The following PPP1R12B variants were observed in gnomAD, a reference collection of about 807,000 sequenced individuals.
PPP1R12B encodes the protein myosin phosphatase target subunit 2.
Under a neutral mutation model 126.1 loss-of-function variants are expected in PPP1R12B, and 76 were observed. The ratio of observed to expected loss-of-function variants is 0.60; its 90% confidence interval spans 0.50 to 0.73. The LOEUF (loss-of-function observed/expected upper bound fraction) is 0.73, where lower values mean the gene tolerates loss of function less well. Ranked by LOEUF, PPP1R12B falls within the 30% of genes least tolerant of loss-of-function variation. The pLI, the probability that PPP1R12B is intolerant of heterozygous loss-of-function variation, is 0.00. For synonymous variants in PPP1R12B, 356 were observed against 434.7 expected (o/e 0.82, Z 2.25); for missense variants, 1,052 against 1,205.1 (o/e 0.87, Z 1.88).
At chr1:202,536,178 G>A (rs993725151) in intron 18 of PPP1R12B, among the ~76,000 whole-genome samples, 67 of 152,284 alleles carry the variant, frequency 4.4e-4, no homozygotes, top group African/African-American at 1.4e-3. Flanking sequence ...CTTAACGACA[G>A]GGATACATTC....
chr1:202,394,960 A>T (rs1664727571), intron 1 of PPP1R12B, among the ~76,000 whole-genome samples: 1 of 151,990 alleles, frequency 6.6e-6, no homozygotes, highest in African/African-American at 2.4e-5. Flanking sequence ...TCTACTAAAA[A>T]TACAAAAATT....
intron 19 of PPP1R12B, among the ~76,000 whole-genome samples, chr1:202,561,654 CA>C (rs1687545500): frequency 6.6e-6 from 1 of 152,164 alleles, no homozygotes; most frequent in East Asian, 1.9e-4. Context: ...TTTCTACAAC[CA>C]TATATTGCTT....
rs552374918 is a variant in PPP1R12B at position 202,574,014 on chromosome 1, T to G, written c.2862+4817T>G. On this transcript the variant is annotated intron_variant, in intron 23 of 23. Transcript: ENST00000608999. ...AGGTCAGAGACAGGTTAGCAGTTTT[T>G]GGATCCTGAAACAATCTCTCTGGAC... Among the ~76,000 whole-genome samples, 7 of 152,296 alleles carry G rather than the reference T, an allele frequency of 4.6e-5. No individual in the cohort carries two copies. The East Asian group carries it at 1.2e-3, about 25-fold the overall frequency.
chr1:202,568,916 A>G (rs1001027232), intron 22 of PPP1R12B, among the ~76,000 whole-genome samples: 5 of 152,138 alleles, frequency 3.3e-5, no homozygotes, highest in East Asian at 1.9e-4. Context: ...TTCTCCATAT[A>G]TCTACTGATT....
intron 1 of PPP1R12B, among the ~76,000 whole-genome samples, chr1:202,353,054 G>A (rs1412765036): frequency 6.6e-6 from 1 of 152,156 alleles, no homozygotes; most frequent in African/African-American, 2.4e-5. Context: ...CTAAAATCAC[G>A]TATTTCTCAG....
chr1:202,381,287 A>G (rs1662214630), intron 1 of PPP1R12B, among the ~76,000 whole-genome samples: 1 of 152,132 alleles, frequency 6.6e-6, no homozygotes, highest in Admixed American at 6.5e-5. Flanking sequence ...TTAGAGAAAA[A>G]GGAAGAAAAG....
intron 1 of PPP1R12B, among the ~76,000 whole-genome samples, chr1:202,409,815 T>C (rs866686787): frequency 1.6e-4 from 25 of 152,272 alleles, no homozygotes; most frequent in Middle Eastern, 6.8e-3. Context: ...AGGCCTATTT[T>C]GTTTTTTTGA....
chr1:202,522,338 G>A (rs1682864029), intron 18 of PPP1R12B, among the ~76,000 whole-genome samples: 1 of 152,062 alleles, frequency 6.6e-6, no homozygotes, highest in African/African-American at 2.4e-5. Flanking sequence ...GTAAATGTGT[G>A]CTAAAGTCCT....
intron 1 of PPP1R12B, among the ~76,000 whole-genome samples, chr1:202,394,602 A>G (rs1664657780): frequency 6.6e-6 from 1 of 151,948 alleles, no homozygotes; most frequent in Non-Finnish European, 1.5e-5. Context: ...TAAAAATACA[A>G]AATTAGCCGG....
intron 13 of PPP1R12B, among the ~76,000 whole-genome samples, chr1:202,458,778 T>C (rs1673953447): frequency 6.6e-6 from 1 of 152,222 alleles, no homozygotes; most frequent in Non-Finnish European, 1.5e-5. Flanking sequence ...AATCAGCTCA[T>C]TGTGGAAGCA....
At chr1:202,499,957 A>C (rs1279067051) in intron 18 of PPP1R12B, among the ~76,000 whole-genome samples, 1 of 152,248 alleles carries the variant, frequency 6.6e-6, no homozygotes, top group Non-Finnish European at 1.5e-5. Flanking sequence ...TGTTATCAAA[A>C]AGACAAAAAA....
chr1:202,536,666 A>C (rs1453269422), intron 18 of PPP1R12B, among the ~76,000 whole-genome samples: 1 of 152,228 alleles, frequency 6.6e-6, no homozygotes, highest in Admixed American at 6.5e-5. Flanking sequence ...ATACGTTTTT[A>C]AAATTTAATG....
chr1:202,414,830 C>T (rs1667853272), intron 1 of PPP1R12B, among the ~76,000 whole-genome samples: 1 of 152,176 alleles, frequency 6.6e-6, no homozygotes, highest in Admixed American at 6.5e-5. Context: ...CCCTGTCACT[C>T]AGGCTGGAGA....
At chr1:202,438,922 G>A in intron 10 of PPP1R12B, 1 of 1,526,840 alleles carries the variant, frequency 6.5e-7, no homozygotes, top group East Asian at 2.3e-5. Context: ...TGTGCCTGGA[G>A]GTGACCCCGA....
chr1:202,488,470 T>A (rs1678434591), intron 13 of PPP1R12B, 63 bp from the exon 14 acceptor site: 1 of 1,259,782 alleles, frequency 7.9e-7, no homozygotes, highest in Admixed American at 2.2e-5. Flanking sequence ...GGAAACACTT[T>A]GTCATTCCTC....
Position 202,348,743 on chromosome 1 carries a change from C to T in PPP1R12B, c.-109C>T. 1.5e-6 allele frequency: 2 copies of T among 1,374,728 alleles called. No homozygotes were observed. The highest frequency in any genetic ancestry group is 3.0e-5 in the South Asian group (2 of 66,090). 85.2% of individuals were successfully genotyped at this position (1,374,728 alleles called of 1,614,324 possible). ...GTAAAGATGGCGGCGCGAGGGTCTC[C>T]GCCCTCTGCTCCGGGCTGAAGCGCT... On this transcript the variant is annotated 5_prime_UTR_variant, in exon 1 of 24. Transcript: ENST00000608999.
At chr1:202,500,647 T>C (rs1680125324) in intron 18 of PPP1R12B, among the ~76,000 whole-genome samples, 1 of 152,202 alleles carries the variant, frequency 6.6e-6, no homozygotes, top group East Asian at 1.9e-4. Context: ...GAATAAGTTC[T>C]AGTGTTCTAT....
chr1:202,397,056 C>A (rs960263539), intron 1 of PPP1R12B, among the ~76,000 whole-genome samples: 5 of 152,188 alleles, frequency 3.3e-5, no homozygotes, highest in African/African-American at 7.2e-5. Flanking sequence ...ACAATAACAA[C>A]ATTTTATGGC....
At position 202,471,831 on chromosome 1, in the gene PPP1R12B, T is replaced by C. The variant is rs186458318; in HGVS notation, c.1851-16702T>C. On this transcript the variant is annotated intron_variant, in intron 13 of 23. Transcript: ENST00000608999. ...TTTATCCAAAATGTGTTTATTGAGATGGTTTCCCACTCATCTTGACTCAGA... is the reference window on the plus strand; with the variant it reads ...TTTATCCAAAATGTGTTTATTGAGACGGTTTCCCACTCATCTTGACTCAGA... 3.1e-4 allele frequency: 421 copies of C among 1,371,400 alleles called. 3 individuals carry two copies. The East Asian group carries it at 5.9e-3, about 19-fold the overall frequency. 85.0% of individuals were successfully genotyped at this position (1,371,400 alleles called of 1,614,324 possible). A position where few individuals can be genotyped will look rare whatever the true frequency, so the allele number is the denominator to read the frequency against.
Sources: allele counts gnomAD v4.1 joint callset (sites outside exome capture counted in the v4.1 genomes callset), GRCh38; gene constraint gnomAD v4.1.1; transcripts MANE v1.5; gene names NCBI Gene and HGNC (gene_info 2026-07-23, HGNC 2026-07-21).